TTC27: variants seen among roughly 807,000 people sequenced by gnomAD.
TTC27 encodes the protein tetratricopeptide repeat domain 27.
Under a neutral mutation model 115.9 loss-of-function variants are expected in TTC27, and 79 were observed. The observed-to-expected ratio is 0.68, with a 90% CI of 0.57 to 0.82. TTC27 has a LOEUF of 0.82. Among genes scored for constraint, TTC27 ranks in the 40% least tolerant of loss-of-function variants. The pLI, the probability that TTC27 is intolerant of heterozygous loss-of-function variation, is 0.00. For synonymous variants in TTC27, 401 were observed against 356.0 expected, an observed-to-expected ratio of 1.13 and a Z score of -1.42; for missense variants, 1,054 against 993.1, an observed-to-expected ratio of 1.06 and a Z score of -0.82.
chr2:32,767,455 T>TG (rs1669672277), intron 13 of TTC27, among the ~76,000 whole-genome samples: 1 of 118,022 alleles, frequency 8.5e-6, no homozygotes. Flanking sequence ...TTTTTTTTGT[T>TG]TTTTTTTTTT....
chr2:32,790,122 A>G (rs1252571461), intron 16 of TTC27, among the ~76,000 whole-genome samples: 1 of 151,810 alleles, frequency 6.6e-6, no homozygotes, highest in African/African-American at 2.4e-5. Context: ...TTTTTCAAAC[A>G]TATTTTAGTG....
chr2:32,723,061 A>G (rs1176553912), intron 10 of TTC27, among the ~76,000 whole-genome samples: 1 of 152,184 alleles, frequency 6.6e-6, no homozygotes, highest in African/African-American at 2.4e-5. Context: ...AAAAAGCCCT[A>G]GAAAGTTACA....
In TTC27 at chr2:32,664,409, AG is replaced by A; in HGVS notation, c.748del (p.Ala250GlnfsTer18). ...VFLYYYEYRK[A>X]KDQLDIAKDI... ...TTTTATATTATTATGAGTACAGAAA[AG>A]CAAAAGATCAGTTGGATATTGCTAA... On this transcript the variant is annotated frameshift_variant, in exon 6 of 20. Transcript: ENST00000317907. LOFTEE classifies it high-confidence loss of function. The A allele has an allele frequency of 6.2e-7, 1 of 1,612,466 alleles. No homozygotes were observed. The highest frequency in any genetic ancestry group is 1.1e-5 in the South Asian group (1 of 90,532).
At chr2:32,786,850 G>A (rs1250121289) in intron 15 of TTC27, 134 bp from the exon 16 acceptor site, 12 of 764,192 alleles carry the variant, frequency 1.6e-5, no homozygotes, top group Non-Finnish European at 2.4e-5. Flanking sequence ...TGTTGTCTGG[G>A]TCTCTAATTC....
chr2:32,714,948 TG>T (rs1221526114), intron 10 of TTC27, among the ~76,000 whole-genome samples: 1 of 152,200 alleles, frequency 6.6e-6, no homozygotes, highest in Non-Finnish European at 1.5e-5. Flanking sequence ...TTTTGTTTTT[TG>T]TTTAAGTTCC....
intron 9 of TTC27, among the ~76,000 whole-genome samples, chr2:32,684,848 A>G (rs1231287368): frequency 1.3e-5 from 2 of 151,752 alleles, no homozygotes; most frequent in African/African-American, 4.8e-5. Context: ...AAATAAAACG[A>G]ACAAAACTGT....
In TTC27 at chr2:32,787,124, T is replaced by TAG; in HGVS notation, c.1974_1975insGA (p.Arg659AspfsTer14). 1 of 1,612,984 alleles carries TAG rather than the reference T, an allele frequency of 6.2e-7. No individual in the cohort carries two copies. The highest frequency in any genetic ancestry group is 8.5e-7 in the Non-Finnish European group (1 of 1,179,746). On this transcript the variant is annotated frameshift_variant, in exon 16 of 20. Coordinates refer to ENST00000317907, the MANE Select transcript of TTC27 (RefSeq NM_017735.5). LOFTEE classifies it high-confidence loss of function. ...AAAGCTTATCACCGGCTCTTGGACTTACGTGACAAATACAAAGATGTTCAG... is the reference window on the plus strand; with the variant it reads ...AAAGCTTATCACCGGCTCTTGGACTTAGACGTGACAAATACAAAGATGTTCAG...
chr2:32,751,401 T>G (rs1669010766), intron 12 of TTC27, among the ~76,000 whole-genome samples: 1 of 152,148 alleles, frequency 6.6e-6, no homozygotes. Flanking sequence ...GAGAAGAGTA[T>G]GTACGCTTCA....
At chr2:32,675,972 A>G (rs1305629495) in intron 8 of TTC27, among the ~76,000 whole-genome samples, 1 of 151,856 alleles carries the variant, frequency 6.6e-6, no homozygotes, top group Non-Finnish European at 1.5e-5. Context: ...TTGTATTTTT[A>G]GTAGAGACAG....
intron 16 of TTC27, among the ~76,000 whole-genome samples, chr2:32,799,530 C>G (rs956354232): frequency 1.3e-5 from 2 of 152,006 alleles, no homozygotes; most frequent in African/African-American, 4.8e-5. Flanking sequence ...TATTTTTAAT[C>G]TCATAGAAAA....
intron 5 of TTC27, among the ~76,000 whole-genome samples, chr2:32,663,039 G>T (rs575871539): frequency 2.6e-5 from 4 of 152,292 alleles, no homozygotes; most frequent in Admixed American, 2.6e-4. Context: ...CACCAAGCTC[G>T]AGTGTCCCAG....
intron 5 of TTC27, among the ~76,000 whole-genome samples, chr2:32,655,597 C>T (rs1230061055): frequency 1.3e-5 from 2 of 152,156 alleles, no homozygotes; most frequent in Non-Finnish European, 2.9e-5. Flanking sequence ...TGTAGTCCAG[C>T]TTCTCACTCA....
chr2:32,759,876 A>G (rs547000649), intron 13 of TTC27, among the ~76,000 whole-genome samples: 27 of 152,256 alleles, frequency 1.8e-4, no homozygotes, highest in Non-Finnish European at 2.9e-4. Context: ...TATTTCACTT[A>G]GCATAATGTC....
chr2:32,761,948 G>A (rs1277780735), intron 13 of TTC27, among the ~76,000 whole-genome samples: 2 of 152,098 alleles, frequency 1.3e-5, no homozygotes, highest in Non-Finnish European at 1.5e-5. Flanking sequence ...CTAATTGTCT[G>A]CCCTGCACGT....
At chr2:32,672,153 T>C in intron 7 of TTC27, 119 bp from the exon 8 acceptor site, 1 of 651,324 alleles carries the variant, frequency 1.5e-6, no homozygotes. Context: ...AATAGCCTAT[T>C]GACCATATGT....
chr2:32,715,668 A>G (rs1468299674), intron 10 of TTC27, among the ~76,000 whole-genome samples: 1 of 152,110 alleles, frequency 6.6e-6, no homozygotes, highest in African/African-American at 2.4e-5. Context: ...GGGCCGAAAC[A>G]TTTCTCTTTA....
At chr2:32,684,082 C>T (rs1296512621) in intron 9 of TTC27, among the ~76,000 whole-genome samples, 1 of 152,092 alleles carries the variant, frequency 6.6e-6, no homozygotes, top group East Asian at 1.9e-4. Flanking sequence ...TGCTTGAACC[C>T]GGGAGGCGGA....
chr2:32,640,249 A>C, intron 3 of TTC27, 21 bp from the exon 4 acceptor site: 1 of 1,602,448 alleles, frequency 6.2e-7, no homozygotes, highest in Non-Finnish European at 8.5e-7. Flanking sequence ...ATATCATCTT[A>C]GTTTATAATC....
chr2:32,707,902 C>T (rs1667432090), intron 10 of TTC27, among the ~76,000 whole-genome samples: 1 of 150,842 alleles, frequency 6.6e-6, no homozygotes, highest in African/African-American at 2.4e-5. Flanking sequence ...GCAGCTGGGG[C>T]AGGGAAAATG....
Sources: allele counts gnomAD v4.1 joint callset (sites outside exome capture counted in the v4.1 genomes callset), GRCh38; gene constraint gnomAD v4.1.1; transcripts MANE v1.5; gene names NCBI Gene and HGNC (gene_info 2026-07-23, HGNC 2026-07-21).